The following PTPRD variants were observed in gnomAD, a reference collection of about 807,000 sequenced individuals.
The protein encoded by PTPRD is receptor-type tyrosine-protein phosphatase delta.
Under a neutral mutation model 214.5 loss-of-function variants are expected in PTPRD, and 34 were observed. The observed-to-expected ratio is 0.16, with a 90% CI of 0.12 to 0.21. The LOEUF is 0.21. Among genes scored for constraint, PTPRD ranks in the 10% least tolerant of loss-of-function variants. The pLI, the probability that PTPRD is intolerant of heterozygous loss-of-function variation, is 1.00. For missense variants in PTPRD, 2,545 were observed against 2,398.7 expected (o/e 1.06, Z -1.27); for synonymous variants, 1,128 against 845.7 (o/e 1.33, Z -5.79).
At chr9:9,374,070 C>T (rs2060188307) in intron 9 of PTPRD, among the ~76,000 whole-genome samples, 1 of 151,764 alleles carries the variant, frequency 6.6e-6, no homozygotes, top group Non-Finnish European at 1.5e-5. Context: ...AAAAATGGTA[C>T]ATCCATATTA....
At chr9:10,547,528 A>T (rs2060416484) in intron 2 of PTPRD, among the ~76,000 whole-genome samples, 1 of 152,086 alleles carries the variant, frequency 6.6e-6, no homozygotes, top group Non-Finnish European at 1.5e-5. Flanking sequence ...AGATTAAAAA[A>T]ATCTCATTCC....
rs1181438374 is a variant in PTPRD, at chr9:8,437,224, C to G, written c.3989-535G>C. Reference sequence around the variant, plus strand: ...TGAAGAATGAAGGTTACCAGGGTAACCGGAATCATCTGAACCTGCAAAGGA... The same window carrying G: ...TGAAGAATGAAGGTTACCAGGGTAAGCGGAATCATCTGAACCTGCAAAGGA... On this transcript the variant is annotated intron_variant, in intron 34 of 45. Transcript: ENST00000381196. 5 of 1,522,392 alleles carry G rather than the reference C, an allele frequency of 3.3e-6. No individual in the cohort carries two copies. In the South Asian group the frequency reaches 4.9e-5, roughly 15 times the overall value. The allele number at this position is 1,522,392 out of a possible 1,614,324, so 94.3% of individuals were successfully genotyped here. A position where few individuals can be genotyped will look rare whatever the true frequency, so the allele number is the denominator to read the frequency against.
chr9:9,747,545 T>G (rs906915948), intron 6 of PTPRD, among the ~76,000 whole-genome samples: 3 of 151,038 alleles, frequency 2.0e-5, no homozygotes, highest in Admixed American at 6.6e-5. Context: ...TTTTGTTTTT[T>G]TTTTTTTTTT....
intron 36 of PTPRD, among the ~76,000 whole-genome samples, chr9:8,390,597 C>T (rs1500329): frequency 0.55 from 84,135 of 151,802 alleles, 23,510 homozygotes; most frequent in East Asian, 0.66. Flanking sequence ...ACCTTTGCTA[C>T]CCTAATGACA....
At chr9:10,509,279 C>A (rs1343847688) in intron 2 of PTPRD, among the ~76,000 whole-genome samples, 1 of 151,556 alleles carries the variant, frequency 6.6e-6, no homozygotes, top group Non-Finnish European at 1.5e-5. Flanking sequence ...AATTGAGGTT[C>A]CTCTGTGTAG....
chr9:9,067,173 T>G (rs953054950), intron 10 of PTPRD, among the ~76,000 whole-genome samples: 1 of 152,182 alleles, frequency 6.6e-6, no homozygotes, highest in African/African-American at 2.4e-5. Context: ...GAGGTTACAG[T>G]GAGCCTAGAT....
At chr9:9,005,849 G>T (rs1589658831) in intron 11 of PTPRD, among the ~76,000 whole-genome samples, 1 of 151,872 alleles carries the variant, frequency 6.6e-6, no homozygotes, top group South Asian at 2.1e-4. Context: ...CAGTGGCTGG[G>T]CTACTATTCT....
Position 8,327,006 on chromosome 9 carries a change from G to T in PTPRD, c.5534+4576C>A, listed in dbSNP as rs1388215596. Among the ~76,000 whole-genome samples, 7 of 146,520 alleles carry T rather than the reference G, an allele frequency of 4.8e-5. No homozygotes were observed. In the Admixed American group the frequency reaches 5.1e-4, roughly 11 times the overall value. On this transcript the variant is annotated intron_variant, in intron 44 of 45. Transcript: ENST00000381196. ...CAGCTCCTGGATTCATTGATTTTTT[G>T]AAGGGTTTTTCGTGTCTCTATCTCC...
intron 33 of PTPRD, chr9:8,454,475 T>C: frequency 1.7e-6 from 2 of 1,177,308 alleles, no homozygotes; most frequent in Non-Finnish European, 2.5e-6. Flanking sequence ...TGCCAGGTAT[T>C]ATCTTTTGTG....
chr9:10,099,295 GT>G (rs1465069958), intron 3 of PTPRD, among the ~76,000 whole-genome samples: 13 of 151,552 alleles, frequency 8.6e-5, no homozygotes. Flanking sequence ...CTATGATTCA[GT>G]TTTTTTCACC....
chr9:10,262,971 C>T (rs1427841779), intron 3 of PTPRD, among the ~76,000 whole-genome samples: 1 of 152,114 alleles, frequency 6.6e-6, no homozygotes, highest in East Asian at 1.9e-4. Context: ...GTGAATACAT[C>T]TCAAGAGATC....
intron 44 of PTPRD, among the ~76,000 whole-genome samples, chr9:8,327,540 G>A (rs4008224): frequency 1.3e-5 from 2 of 151,984 alleles, no homozygotes; most frequent in African/African-American, 4.8e-5. Flanking sequence ...CTGTAGATGT[G>A]TATTATTAGG....
intron 11 of PTPRD, among the ~76,000 whole-genome samples, chr9:8,886,430 T>C (rs1296252717): frequency 1.3e-5 from 2 of 152,178 alleles, no homozygotes; most frequent in Admixed American, 6.5e-5. Context: ...TTCCAGGACA[T>C]AGATTTTGAC....
chr9:8,451,822 C>T, intron 33 of PTPRD: 2 of 463,512 alleles, frequency 4.3e-6, no homozygotes, highest in Admixed American at 2.3e-5. Flanking sequence ...CCCATTGTGG[C>T]TCTGCCATTC....
At chr9:10,554,379 T>C (rs953492424) in intron 2 of PTPRD, among the ~76,000 whole-genome samples, 1 of 152,192 alleles carries the variant, frequency 6.6e-6, no homozygotes, top group African/African-American at 2.4e-5. Flanking sequence ...GGTGCAATCT[T>C]CTTAGCTCCA....
intron 2 of PTPRD, among the ~76,000 whole-genome samples, chr9:10,524,311 G>A (rs773817930): frequency 2.6e-5 from 4 of 152,026 alleles, no homozygotes; most frequent in Non-Finnish European, 5.9e-5. Context: ...GCAAAATGTG[G>A]AGGCAGTTCT....
intron 11 of PTPRD, among the ~76,000 whole-genome samples, chr9:8,759,454 A>T (rs1267303802): frequency 6.6e-6 from 1 of 151,972 alleles, no homozygotes; most frequent in Non-Finnish European, 1.5e-5. Context: ...CATCTCTCTC[A>T]TCTTTATCAA....
chr9:9,058,596 C>A (rs1320577225), intron 10 of PTPRD, among the ~76,000 whole-genome samples: 1 of 150,616 alleles, frequency 6.6e-6, no homozygotes, highest in South Asian at 2.1e-4. Flanking sequence ...ACTACAGGCT[C>A]CCGCCACCTC....
At position 10,002,834 on chromosome 9, in the gene PTPRD, G is replaced by A. The variant is rs534561288; in HGVS notation, c.-472+30884C>T. ...AATAACACTACGAAATAGACCTAATGAAAATCTGTAGAAGATATTTCATAC... is the reference window on the plus strand; with the variant it reads ...AATAACACTACGAAATAGACCTAATAAAAATCTGTAGAAGATATTTCATAC... On this transcript the variant is annotated intron_variant, in intron 4 of 45. Coordinates refer to ENST00000381196, the MANE Select transcript of PTPRD (RefSeq NM_002839.4). Among the ~76,000 whole-genome samples, 7 of 151,486 alleles carry A rather than the reference G, an allele frequency of 4.6e-5. 1 individual carries two copies. The highest frequency in any genetic ancestry group is 1.9e-4 in the East Asian group (1 of 5,164).
Sources: allele counts gnomAD v4.1 joint callset (sites outside exome capture counted in the v4.1 genomes callset), GRCh38; gene constraint gnomAD v4.1.1; transcripts MANE v1.5; gene names NCBI Gene and HGNC (gene_info 2026-07-23, HGNC 2026-07-21).